Variants in MAP2K6 observed in about 807,000 individuals in gnomAD.
MAP2K6 encodes the protein mitogen-activated protein kinase kinase 6, also known as dual specificity mitogen-activated protein kinase kinase 6.
A neutral mutation model predicts 53.7 loss-of-function variants in MAP2K6; 16 were observed. That is an observed-to-expected ratio of 0.30 (90% confidence interval 0.20 to 0.45). The LOEUF (loss-of-function observed/expected upper bound fraction) is 0.45, where lower values mean the gene tolerates loss of function less well. MAP2K6 is among the 20% of genes least tolerant of loss of function. MAP2K6 has a pLI of 1.00. For missense variants in MAP2K6, 204 were observed against 411.9 expected (o/e 0.50, Z 4.37); for synonymous variants, 132 against 143.1 (o/e 0.92, Z 0.55).
intron 1 of MAP2K6, among the ~76,000 whole-genome samples, chr17:69,449,565 C>CTTTCTTTA (rs1567821820): frequency 4.5e-4 from 42 of 94,364 alleles, no homozygotes; most frequent in South Asian, 9.3e-4. Context: ...TTCTTTATTT[C>CTTTCTTTA]TTTCTTTCTT....
rs1394891794 is a variant in MAP2K6, at chr17:69,475,445, G to A, written c.17-30335G>A. ...GGCCTCCCAAAGTGCTGGGATTACA[G>A]GCGTGAGCCACCGCGCCCGGCCCTG... On this transcript the variant is annotated intron_variant, in intron 1 of 11. Coordinates refer to ENST00000590474, the MANE Select transcript of MAP2K6 (RefSeq NM_002758.4). 2.0e-5 allele frequency among the ~76,000 whole-genome samples: 3 copies of A among 152,178 alleles called. No homozygotes were observed. In the East Asian group the frequency reaches 5.8e-4, roughly 29 times the overall value.
At chr17:69,476,942 G>T (rs542067090) in intron 1 of MAP2K6, among the ~76,000 whole-genome samples, 50 of 152,308 alleles carry the variant, frequency 3.3e-4, no homozygotes, top group African/African-American at 1.2e-3. Flanking sequence ...TGCTAGCACT[G>T]GTTGTCTGAG....
At chr17:69,513,681 A>G (rs893109158) in intron 2 of MAP2K6, among the ~76,000 whole-genome samples, 3 of 152,306 alleles carry the variant, frequency 2.0e-5, no homozygotes, top group Middle Eastern at 3.4e-3. Context: ...TAGCTGGACC[A>G]CAGGCTGTAA....
chr17:69,425,082 G>A (rs1044049601), intron 1 of MAP2K6, among the ~76,000 whole-genome samples: 2 of 152,182 alleles, frequency 1.3e-5, no homozygotes, highest in Non-Finnish European at 2.9e-5. Flanking sequence ...CAGTGTGGCA[G>A]CATACCTAAG....
chr17:69,468,201 A>G lies in MAP2K6; in HGVS notation c.17-37579A>G, dbSNP rs1337831968. ...CTGCTATTTCCCTAGAAGGACCTTT[A>G]GTGTAATTCAGAGTTCCTTCTCCCC... On this transcript the variant is annotated intron_variant, in intron 1 of 11. Coordinates refer to ENST00000590474, the MANE Select transcript of MAP2K6 (RefSeq NM_002758.4). Among the ~76,000 whole-genome samples the G allele has an allele frequency of 1.2e-4, 18 of 152,288 alleles. No individual in the cohort carries two copies. The East Asian group carries it at 3.1e-3, about 26-fold the overall frequency.
intron 1 of MAP2K6, among the ~76,000 whole-genome samples, chr17:69,446,928 T>A (rs1598265315): frequency 1.3e-5 from 2 of 151,992 alleles, no homozygotes; most frequent in African/African-American, 4.8e-5. Flanking sequence ...GACCACTTGA[T>A]GTTGTGGATG....
intron 2 of MAP2K6, among the ~76,000 whole-genome samples, chr17:69,507,996 G>T (rs1909602984): frequency 7.5e-6 from 1 of 133,560 alleles, no homozygotes; most frequent in East Asian, 2.3e-4. Context: ...GGTATTATCA[G>T]TGTTTTTCAT....
rs971046879 is a variant in MAP2K6 at position 69,544,136 on chromosome 17, A to T, written c.*2383A>T. The T allele has an allele frequency of 6.6e-6, 1 of 152,204 alleles. No homozygotes were observed. Among genetic ancestry groups the T allele is most frequent in the Non-Finnish European group, 1.5e-5 (1 of 68,036 alleles). 9.4% of individuals were successfully genotyped at this position (152,204 alleles called of 1,614,324 possible). A position where few individuals can be genotyped will look rare whatever the true frequency, so the allele number is the denominator to read the frequency against. ...TACTTTCTTTTGAACATTTGCAGGG[A>T]GTAACATGCCATTGCAGAAAGTAAC... On this transcript the variant is annotated 3_prime_UTR_variant, in exon 12 of 12. Transcript: ENST00000590474.
chr17:69,531,938 T>C (rs1264164077), intron 10 of MAP2K6, among the ~76,000 whole-genome samples: 1 of 152,180 alleles, frequency 6.6e-6, no homozygotes, highest in East Asian at 1.9e-4. Context: ...AAGATTGGAA[T>C]CTTAGCCGGT....
chr17:69,535,879 TACACACACAC>T (rs3216906), intron 10 of MAP2K6, among the ~76,000 whole-genome samples: 3 of 147,704 alleles, frequency 2.0e-5, no homozygotes, highest in South Asian at 2.2e-4. Context: ...AAAAGGAAAG[TACACACACAC>T]ACACACACAC....
At position 69,551,923 on chromosome 17, in the gene MAP2K6, A is replaced by G. The variant is rs772356664; in HGVS notation, c.*10170A>G. On this transcript the variant is annotated 3_prime_UTR_variant, in exon 12 of 12. Coordinates refer to ENST00000590474, the MANE Select transcript of MAP2K6 (RefSeq NM_002758.4). The stretch of plus-strand genomic sequence containing the variant: ...TATTTTGTGAAAATCTTGATGAGAC[A>G]CTAGAATTTCTTTATGGAATTGAAC... 55 of 152,354 alleles carry G rather than the reference A, an allele frequency of 3.6e-4. 1 individual carries two copies. Among genetic ancestry groups the G allele is most frequent in the African/African-American group, 7.7e-4 (32 of 41,592 alleles). The allele number at this position is 152,354 out of a possible 1,614,324, so 9.4% of individuals were successfully genotyped here. A position where few individuals can be genotyped will look rare whatever the true frequency, so the allele number is the denominator to read the frequency against.
rs374608753 is a variant in MAP2K6, at chr17:69,516,930, A to C, written c.132+27A>C. ...TAAGAAAAAATCATGTCTGCCACCT[A>C]ATACGTTGGCCATTTTATATGTATG... On this transcript the variant is annotated intron_variant, in intron 3 of 11. Transcript: ENST00000590474. 1.8e-5 allele frequency: 28 copies of C among 1,531,696 alleles called. No homozygotes were observed. In the Admixed American group the frequency reaches 3.2e-4, roughly 18 times the overall value. The allele number at this position is 1,531,696 out of a possible 1,614,324, so 94.9% of individuals were successfully genotyped here.
At chr17:69,449,541 C>CTTTT (rs1352223318) in intron 1 of MAP2K6, among the ~76,000 whole-genome samples, 271 of 99,490 alleles carry the variant, frequency 2.7e-3, no homozygotes, top group Non-Finnish European at 4.5e-3. Flanking sequence ...GTCTTTCTTT[C>CTTTT]TTTCTTTCTT....
intron 10 of MAP2K6, among the ~76,000 whole-genome samples, chr17:69,527,348 A>G (rs1346100819): frequency 6.6e-6 from 1 of 152,218 alleles, no homozygotes; most frequent in Non-Finnish European, 1.5e-5. Flanking sequence ...CTTGCCCACC[A>G]TAAGAGACAA....
At chr17:69,520,470 C>G in intron 6 of MAP2K6, 84 bp downstream of exon 6, 1 of 748,270 alleles carries the variant, frequency 1.3e-6, no homozygotes, top group Non-Finnish European at 2.3e-6. Context: ...TGAAGAAATA[C>G]TACCTGGGCC....
intron 1 of MAP2K6, among the ~76,000 whole-genome samples, chr17:69,432,810 T>TA (rs59109680): frequency 1.7e-3 from 232 of 139,806 alleles, no homozygotes; most frequent in Middle Eastern, 3.6e-3. Context: ...AACCTAAAAT[T>TA]AAAAAAAAAA....
intron 1 of MAP2K6, among the ~76,000 whole-genome samples, chr17:69,468,640 C>G (rs138084645): frequency 6.6e-6 from 1 of 152,122 alleles, no homozygotes; most frequent in African/African-American, 2.4e-5. Flanking sequence ...CGAAAAGGTG[C>G]GAAGAAACTA....
At chr17:69,541,655 T>C (rs781504225) in intron 11 of MAP2K6, 21 bp from the exon 12 acceptor site, 3 of 1,585,958 alleles carry the variant, frequency 1.9e-6, no homozygotes. Flanking sequence ...TAATACCATG[T>C]TTTTTCTTTT....
At chr17:69,491,886 T>C (rs528091042) in intron 1 of MAP2K6, among the ~76,000 whole-genome samples, 72 of 151,946 alleles carry the variant, frequency 4.7e-4, no homozygotes, top group Non-Finnish European at 8.9e-4. Flanking sequence ...TGAGATGTTA[T>C]TTCACTGTGG....
Sources: gnomAD v4.1 joint callset for allele counts (sites outside exome capture counted in the v4.1 genomes callset) on GRCh38, gnomAD v4.1.1 for gene constraint, MANE v1.5 for transcripts, NCBI Gene and HGNC (gene_info 2026-07-23, HGNC 2026-07-21) for gene names.